MME: variants seen among roughly 807,000 people sequenced by gnomAD.
The protein encoded by MME is membrane metalloendopeptidase, also known as neprilysin.
In MME, 98 loss-of-function variants were observed where a neutral mutation model predicts 113.2. That is an observed-to-expected ratio of 0.87 (90% CI 0.74 to 1.02). The LOEUF is 1.02. Among genes scored for constraint, MME ranks in the 50% least tolerant of loss-of-function variants. The pLI, the probability that MME is intolerant of heterozygous loss-of-function variation, is 0.00. For missense variants in MME, 836 were observed against 896.0 expected, an observed-to-expected ratio of 0.93 and a Z score of 0.86; for synonymous variants, 292 against 300.6, an observed-to-expected ratio of 0.97 and a Z score of 0.30.
chr3:155,125,247 G>C (rs1719528800), intron 8 of MME, among the ~76,000 whole-genome samples: 1 of 144,322 alleles, frequency 6.9e-6, no homozygotes, highest in South Asian at 2.3e-4. Flanking sequence ...GCGCTTCCCA[G>C]GTGAGGCAAT....
intron 9 of MME, among the ~76,000 whole-genome samples, chr3:155,138,516 T>C (rs560085437): frequency 6.6e-6 from 1 of 152,292 alleles, no homozygotes; most frequent in South Asian, 2.1e-4. Context: ...AATTCTACCA[T>C]TTACAGTCAA....
At chr3:155,118,931 G>T in intron 8 of MME, 120 bp downstream of exon 8, 1 of 709,640 alleles carries the variant, frequency 1.4e-6, no homozygotes, top group South Asian at 1.6e-5. Flanking sequence ...TTCATGACAG[G>T]GACTTAAAAT....
intron 1 of MME, among the ~76,000 whole-genome samples, chr3:155,052,805 T>TC (rs1295366768): frequency 5.3e-5 from 8 of 152,180 alleles, no homozygotes; most frequent in Admixed American, 5.2e-4. Context: ...GGCTTAAATT[T>TC]CTCCCCCAGA....
At chr3:155,046,568 T>G (rs2108124911) in intron 1 of MME, among the ~76,000 whole-genome samples, 1 of 152,262 alleles carries the variant, frequency 6.6e-6, no homozygotes, top group East Asian at 1.9e-4. Context: ...TGGGCACCTG[T>G]AATCCCAGTT....
chr3:155,135,065 G>A (rs752832851), intron 8 of MME, among the ~76,000 whole-genome samples: 3 of 151,924 alleles, frequency 2.0e-5, no homozygotes, highest in Non-Finnish European at 4.4e-5. Flanking sequence ...GTTTGGGAAT[G>A]TTTTCTCCCA....
chr3:155,132,786 G>A (rs1409490361), intron 8 of MME, among the ~76,000 whole-genome samples: 2 of 151,698 alleles, frequency 1.3e-5, no homozygotes, highest in African/African-American at 4.8e-5. Flanking sequence ...CTGACGTGGT[G>A]GCTCATGCTT....
At chr3:155,158,628 C>G (rs142750099) in intron 16 of MME, 1 of 152,106 alleles carries the variant, frequency 6.6e-6, no homozygotes, top group African/African-American at 2.4e-5. Context: ...TTTTATAATA[C>G]TTCGTAGTCA....
intron 3 of MME, among the ~76,000 whole-genome samples, chr3:155,086,987 T>C (rs1294912808): frequency 9.0e-6 from 1 of 110,700 alleles, no homozygotes; most frequent in East Asian, 2.2e-4. Context: ...GGGTTTTTTG[T>C]TTTTTTTGTT....
At position 155,116,765 on chromosome 3, in the gene MME, G is replaced by A; in HGVS notation, c.535+6G>A. 6.2e-7 allele frequency: 1 copy of A among 1,610,114 alleles called. No homozygotes were observed. Among genetic ancestry groups the A allele is most frequent in the Non-Finnish European group, 8.5e-7 (1 of 1,176,754 alleles). ...AAACTGGGAGCAAAAATATGGTAAGGCAATTTTCCTACTAAAAAAGAAATT... is the reference window on the plus strand; with the variant it reads ...AAACTGGGAGCAAAAATATGGTAAGACAATTTTCCTACTAAAAAAGAAATT... On this transcript the variant is annotated splice_donor_region_variant and intron_variant, in intron 6 of 22. Coordinates refer to ENST00000360490, the MANE Select transcript of MME (RefSeq NM_007289.4).
intron 1 of MME, among the ~76,000 whole-genome samples, chr3:155,045,226 C>T (rs1713515064): frequency 6.6e-6 from 1 of 151,770 alleles, no homozygotes. Context: ...TCTTGGCTCA[C>T]TGCAATCTCT....
upstream of MME, among the ~76,000 whole-genome samples, chr3:155,074,923 AT>A: frequency 6.6e-6 from 1 of 152,254 alleles, no homozygotes. Flanking sequence ...GCTTAAAAAA[AT>A]ATACAGTCTC....
upstream of MME, among the ~76,000 whole-genome samples, chr3:155,078,910 TACGCTGCTTGCTTGCATTAAACTGTG>T (rs1211552258): frequency 2.0e-5 from 3 of 152,106 alleles, no homozygotes; most frequent in African/African-American, 7.2e-5. Context: ...GTGAAAGGGG[TACGCTGCTTGCTTGCATTAAACTGTG>T]AGGGTCCAGG....
At position 155,172,536 on chromosome 3, in the gene MME, G is replaced by A; in HGVS notation, c.2077G>A (p.Val693Met). The stretch of plus-strand genomic sequence containing the variant: ...TTGCTTTTCCTATTCCTATCTCTAG[G>A]TGTGGTGTGGAACCTATAGGCCAGA... ...KQLFFLNFAQ[V>M]WCGTYRPEYA... The change falls in exon 22 of 23, where the codon GTG becomes ATG. Residue 693 changes from valine (V) to methionine (M), a missense_variant and splice_region_variant. Physicochemically the swap from Val to Met is conservative, Grantham distance 21. Transcript: ENST00000360490. 1.2e-6 allele frequency: 2 copies of A among 1,608,922 alleles called. No homozygotes were observed. The highest frequency in any genetic ancestry group is 1.7e-6 in the Non-Finnish European group (2 of 1,175,570).
intron 1 of MME, among the ~76,000 whole-genome samples, chr3:155,040,783 C>A (rs1171920926): frequency 1.3e-5 from 2 of 151,976 alleles, no homozygotes; most frequent in Non-Finnish European, 2.9e-5. Context: ...CTACTAAAGT[C>A]TTATATTGTA....
At position 155,141,872 on chromosome 3, in the gene MME, A is replaced by C. The variant is rs1721114282; in HGVS notation, c.958-119A>C. On this transcript the variant is annotated intron_variant, in intron 10 of 22. Coordinates refer to ENST00000360490, the MANE Select transcript of MME (RefSeq NM_007289.4). Reference sequence around the variant, plus strand: ...TTTTTATTTAAAAACTGATTGAAACAATTGAGGAAGAATCCCAAGTGAATA... The same window carrying C: ...TTTTTATTTAAAAACTGATTGAAACCATTGAGGAAGAATCCCAAGTGAATA... 2.8e-6 allele frequency: 3 copies of C among 1,086,134 alleles called. No homozygotes were observed. The South Asian group carries it at 4.2e-5, about 15-fold the overall frequency. The allele number at this position is 1,086,134 out of a possible 1,614,324, so 67.3% of individuals were successfully genotyped here.
rs199894624 is a variant in MME, at chr3:155,118,794, A to G, written c.703A>G (p.Thr235Ala). ...GLPSRDYYEC[T>A]GIYKEACTAY... The stretch of plus-strand genomic sequence containing the variant: ...CCCTTCTAGAGATTACTATGAATGC[A>G]CTGGAATCTATAAAGAGGTAAAAAG... Residue 235 changes from threonine to alanine, a missense_variant, in exon 8 of 23, where the codon ACT (threonine) becomes GCT (alanine). Coordinates refer to ENST00000360490, the MANE Select transcript of MME (RefSeq NM_007289.4). The G allele has an allele frequency of 6.2e-7, 1 of 1,601,758 alleles. No individual in the cohort carries two copies.
intron 3 of MME, among the ~76,000 whole-genome samples, chr3:155,113,961 G>A (rs924819221): frequency 1.3e-5 from 2 of 152,108 alleles, no homozygotes; most frequent in African/African-American, 2.4e-5. Context: ...GGTTCAATGG[G>A]GGGGCTTGAG....
intron 3 of MME, among the ~76,000 whole-genome samples, chr3:155,111,827 C>T (rs1718215299): frequency 6.6e-6 from 1 of 152,128 alleles, no homozygotes; most frequent in Non-Finnish European, 1.5e-5. Flanking sequence ...GCCTTCACAA[C>T]ATTCAGTTTA....
Position 155,132,781 on chromosome 3 carries a change from G to A in MME, c.721-5321G>A, listed in dbSNP as rs904193453. On this transcript the variant is annotated intron_variant, in intron 8 of 22. Coordinates refer to ENST00000360490, the MANE Select transcript of MME (RefSeq NM_007289.4). ...TAAAATACATGTTGATTTGCCTGAC[G>A]TGGTGGCTCATGCTTGTATTCCCAG... 2.0e-5 allele frequency among the ~76,000 whole-genome samples: 3 copies of A among 151,750 alleles called. 1 individual carries two copies. Among genetic ancestry groups the A allele is most frequent in the South Asian group, 4.2e-4 (2 of 4,808 alleles).
Sources: allele counts gnomAD v4.1 joint callset (sites outside exome capture counted in the v4.1 genomes callset), GRCh38; gene constraint gnomAD v4.1.1; transcripts MANE v1.5; gene names NCBI Gene and HGNC (gene_info 2026-07-23, HGNC 2026-07-21).